Variants in PRDM5 observed in about 807,000 individuals in gnomAD.
PRDM5 encodes the protein PR/SET domain 5, also known as PR domain zinc finger protein 5.
A neutral mutation model predicts 81.2 loss-of-function variants in PRDM5; 56 were observed. That is an observed-to-expected ratio of 0.69 (90% CI 0.56 to 0.86). The LOEUF is 0.86. PRDM5 is among the 40% of genes least tolerant of loss of function. The probability of loss-of-function intolerance (pLI) is 0.00; values close to 1 mark genes in which losing one functional copy is unlikely to be tolerated. For missense variants in PRDM5, 697 were observed against 770.1 expected (o/e 0.91, Z 1.12); for synonymous variants, 267 against 256.4 (o/e 1.04, Z -0.39).
intron 12 of PRDM5, among the ~76,000 whole-genome samples, chr4:120,780,720 C>T (rs1222094339): frequency 2.6e-5 from 4 of 152,030 alleles, no homozygotes; most frequent in African/African-American, 9.7e-5. Context: ...CAAAGCCTAT[C>T]CCAATAACAA....
intron 13 of PRDM5, among the ~76,000 whole-genome samples, chr4:120,772,521 G>A (rs531237075): frequency 9.2e-5 from 14 of 152,260 alleles, no homozygotes; most frequent in African/African-American, 1.7e-4. Flanking sequence ...TTGCAGCGGC[G>A]GCAGCAGCAG....
chr4:120,838,145 G>A (rs343175), intron 3 of PRDM5: 138,341 of 152,260 alleles, frequency 0.91, 63,016 homozygotes, highest in African/African-American at 0.96. Context: ...CCATACTCCA[G>A]TTTTACAACC....
intron 15 of PRDM5, among the ~76,000 whole-genome samples, chr4:120,698,171 G>T (rs1450845797): frequency 1.3e-5 from 2 of 152,098 alleles, no homozygotes; most frequent in Non-Finnish European, 1.5e-5. Context: ...CACTTAAGCA[G>T]CAAGTCCACT....
At chr4:120,813,689 T>C (rs1754138780) in intron 7 of PRDM5, among the ~76,000 whole-genome samples, 2 of 152,192 alleles carry the variant, frequency 1.3e-5, no homozygotes, top group Admixed American at 1.3e-4. Flanking sequence ...AGCATATATT[T>C]GGTCATCAAT....
intron 1 of PRDM5, among the ~76,000 whole-genome samples, chr4:120,685,829 T>C (rs1578547660): frequency 6.6e-6 from 1 of 152,158 alleles, no homozygotes; most frequent in African/African-American, 2.4e-5. Flanking sequence ...CTTTTCTTTT[T>C]GTCCTTTATT....
chr4:120,826,123 G>C (rs1015769873), intron 3 of PRDM5, among the ~76,000 whole-genome samples: 1 of 152,026 alleles, frequency 6.6e-6, no homozygotes, highest in Non-Finnish European at 1.5e-5. Context: ...TCCCAGAGAC[G>C]ACTCCAACAG....
rs575887145 is a variant in PRDM5, at chr4:120,836,071, A to T, written c.301-14726T>A. Among the ~76,000 whole-genome samples, 349 of 152,284 alleles carry T rather than the reference A, an allele frequency of 2.3e-3. 1 individual carries two copies. Among genetic ancestry groups the T allele is most frequent in the African/African-American group, 7.8e-3 (326 of 41,566 alleles). ...AGAGAACGTTGGAGGTAAGAAAATG[A>T]AGACACAGCATACAGACAATTGAAG... On this transcript the variant is annotated intron_variant, in intron 3 of 15. Transcript: ENST00000264808.
intron 15 of PRDM5, among the ~76,000 whole-genome samples, chr4:120,697,141 A>G (rs1734616011): frequency 6.6e-6 from 1 of 152,196 alleles, no homozygotes; most frequent in Non-Finnish European, 1.5e-5. Flanking sequence ...GTAAAAAGCA[A>G]AATGCAAACA....
intron 2 of PRDM5, among the ~76,000 whole-genome samples, chr4:120,856,237 A>G (rs1759861781): frequency 6.6e-6 from 1 of 152,210 alleles, no homozygotes; most frequent in Admixed American, 6.5e-5. Flanking sequence ...TACTAAAACT[A>G]TTCTGAAATG....
At chr4:120,882,357 AG>A (rs1762938134) in intron 2 of PRDM5, among the ~76,000 whole-genome samples, 1 of 152,134 alleles carries the variant, frequency 6.6e-6, no homozygotes, top group Non-Finnish European at 1.5e-5. Flanking sequence ...CATGTTGGCC[AG>A]GCTGGTTTCG....
At chr4:120,899,632 C>T (rs577169966) in intron 2 of PRDM5, among the ~76,000 whole-genome samples, 2 of 152,102 alleles carry the variant, frequency 1.3e-5, no homozygotes, top group Non-Finnish European at 2.9e-5. Context: ...GTAGGGTTTC[C>T]CCCATCACAC....
chr4:120,900,985 T>A (rs1413911453), intron 2 of PRDM5, among the ~76,000 whole-genome samples: 1 of 152,198 alleles, frequency 6.6e-6, no homozygotes, highest in Non-Finnish European at 1.5e-5. Flanking sequence ...TTCACTTCTA[T>A]TTTAGGTACA....
chr4:120,867,399 C>A (rs1283704211), intron 2 of PRDM5, among the ~76,000 whole-genome samples: 1 of 152,100 alleles, frequency 6.6e-6, no homozygotes, highest in African/African-American at 2.4e-5. Context: ...CTACATTTCC[C>A]ATTTCATCAG....
intron 15 of PRDM5, among the ~76,000 whole-genome samples, chr4:120,709,296 A>C (rs1383040278): frequency 6.6e-6 from 1 of 152,204 alleles, no homozygotes; most frequent in Admixed American, 6.5e-5. Context: ...AACTAATTGA[A>C]ATCACTGAAC....
intron 14 of PRDM5, among the ~76,000 whole-genome samples, chr4:120,722,668 G>A (rs934851365): frequency 6.6e-6 from 1 of 152,140 alleles, no homozygotes; most frequent in African/African-American, 2.4e-5. Flanking sequence ...AGACGCATTT[G>A]GGGACTGATG....
At chr4:120,772,545 A>T (rs1747451677) in intron 13 of PRDM5, among the ~76,000 whole-genome samples, 1 of 152,190 alleles carries the variant, frequency 6.6e-6, no homozygotes, top group South Asian at 2.1e-4. Flanking sequence ...CAAAAGCTTG[A>T]AAATTTACTA....
chr4:120,735,740 C>T (rs974568168), intron 14 of PRDM5, among the ~76,000 whole-genome samples: 2 of 152,116 alleles, frequency 1.3e-5, no homozygotes, highest in Non-Finnish European at 2.9e-5. Flanking sequence ...GGGGCATCGT[C>T]TTGAGACACT....
At chr4:120,849,025 A>T (rs116601947) in intron 3 of PRDM5, among the ~76,000 whole-genome samples, 1 of 152,184 alleles carries the variant, frequency 6.6e-6, no homozygotes, top group African/African-American at 2.4e-5. Context: ...AAATCTGGTA[A>T]GAAAAAACAG....
intron 13 of PRDM5, among the ~76,000 whole-genome samples, chr4:120,758,716 C>A (rs188190053): frequency 2.1e-4 from 32 of 152,064 alleles, no homozygotes; most frequent in Non-Finnish European, 3.7e-4. Context: ...CAGTTTGCGA[C>A]ACCTTGTTAC....
Sources: gnomAD v4.1 joint callset for allele counts (sites outside exome capture counted in the v4.1 genomes callset) on GRCh38, gnomAD v4.1.1 for gene constraint, MANE v1.5 for transcripts, NCBI Gene and HGNC (gene_info 2026-07-23, HGNC 2026-07-21) for gene names.